The following ANK2 variants were observed in gnomAD, a reference collection of about 807,000 sequenced individuals.
The protein encoded by ANK2 is ankyrin-2.
In ANK2, 83 loss-of-function variants were observed where a neutral mutation model predicts 360.5. The ratio of observed to expected loss-of-function variants is 0.23; its 90% CI spans 0.19 to 0.28. The LOEUF is 0.28. Ranked by LOEUF, ANK2 falls within the 10% of genes least tolerant of loss-of-function variation. The pLI is 1.00. For missense variants in ANK2, 4,201 were observed against 4,795.7 expected (o/e 0.88, Z 3.66); for synonymous variants, 1,740 against 1,759.5 (o/e 0.99, Z 0.28).
At chr4:112,940,059 A>G (rs957841761) in intron 2 of ANK2, among the ~76,000 whole-genome samples, 3 of 152,212 alleles carry the variant, frequency 2.0e-5, no homozygotes, top group African/African-American at 7.2e-5. Flanking sequence ...GTATTTGTAT[A>G]TAAATTATTC....
At chr4:112,825,615 A>G (rs1339272178) in intron 1 of ANK2, among the ~76,000 whole-genome samples, 1 of 152,246 alleles carries the variant, frequency 6.6e-6, no homozygotes, top group Non-Finnish European at 1.5e-5. Context: ...TCCATTGCTA[A>G]GTTCATGGCT....
the ANK2 span, among the ~76,000 whole-genome samples, chr4:112,780,329 C>A: frequency 6.6e-6 from 1 of 152,158 alleles, no homozygotes; most frequent in Non-Finnish European, 1.5e-5. Flanking sequence ...TACAATATTG[C>A]AGTCTAAAGA....
chr4:112,960,488 G>A (rs757673074), intron 2 of ANK2, among the ~76,000 whole-genome samples: 12 of 151,816 alleles, frequency 7.9e-5, no homozygotes, highest in African/African-American at 2.2e-4. Flanking sequence ...AAATGTAATC[G>A]CTGTTTTGTT....
At chr4:113,081,910 A>T (rs1288966800) in intron 1 of ANK2, among the ~76,000 whole-genome samples, 2 of 151,960 alleles carry the variant, frequency 1.3e-5, no homozygotes, top group African/African-American at 2.4e-5. Context: ...CCTGGGTTCA[A>T]GTGATTCTCC....
intron 1 of ANK2, among the ~76,000 whole-genome samples, chr4:113,113,604 G>A (rs949009244): frequency 6.6e-6 from 1 of 152,196 alleles, no homozygotes; most frequent in East Asian, 1.9e-4. Flanking sequence ...CCCATTGATG[G>A]TCATGATGCT....
the ANK2 span, among the ~76,000 whole-genome samples, chr4:112,791,112 G>A: frequency 2.0e-5 from 3 of 152,270 alleles, no homozygotes; most frequent in African/African-American, 7.2e-5. Context: ...TGGATTACTG[G>A]GTGGAGGCAG....
chr4:113,277,741 A>G, intron 15 of ANK2, 96 bp from the exon 16 acceptor site: 1 of 925,546 alleles, frequency 1.1e-6, no homozygotes, highest in South Asian at 1.4e-5. Context: ...CAAATGAAGA[A>G]TCAGTATACT....
At position 113,365,033 on chromosome 4, in the gene ANK2, T is replaced by A. The variant is rs200486509; in HGVS notation, c.10889-6T>A. 1 of 1,613,788 alleles carries A rather than the reference T, an allele frequency of 6.2e-7. No homozygotes were observed. Among genetic ancestry groups the A allele is most frequent in the East Asian group, 2.2e-5 (1 of 44,874 alleles). On this transcript the variant is annotated splice_polypyrimidine_tract_variant and splice_region_variant and intron_variant, in intron 40 of 45. Transcript: ENST00000357077. ...CATAATAAATGCTGTTTCTCTAATG[T>A]GTCAGATACCAACCTCGTTGAATGT...
intron 1 of ANK2, among the ~76,000 whole-genome samples, chr4:113,130,882 C>T (rs1026840449): frequency 1.3e-5 from 2 of 152,078 alleles, no homozygotes; most frequent in Non-Finnish European, 2.9e-5. Flanking sequence ...TAGATTGTAC[C>T]AATGCATAAA....
At chr4:113,109,901 C>G (rs879528164) in intron 1 of ANK2, among the ~76,000 whole-genome samples, 2 of 151,990 alleles carry the variant, frequency 1.3e-5, no homozygotes, top group African/African-American at 2.4e-5. Flanking sequence ...CCATGTCACA[C>G]AAAAAAGCTC....
intron 33 of ANK2, among the ~76,000 whole-genome samples, chr4:113,342,508 C>T (rs1019277748): frequency 2.0e-5 from 3 of 152,056 alleles, no homozygotes; most frequent in Non-Finnish European, 2.9e-5. Context: ...CGAGACCAAC[C>T]TGGCCAACAT....
At chr4:113,270,649 T>A (rs1398380539) in intron 14 of ANK2, among the ~76,000 whole-genome samples, 1 of 152,200 alleles carries the variant, frequency 6.6e-6, no homozygotes, top group Non-Finnish European at 1.5e-5. Context: ...GCATTTTCTA[T>A]TGTGAACAAA....
chr4:112,977,342 A>G (rs2041771138), intron 2 of ANK2, among the ~76,000 whole-genome samples: 1 of 152,102 alleles, frequency 6.6e-6, no homozygotes, highest in African/African-American at 2.4e-5. Context: ...CCAACAGGGT[A>G]CAACTAATTA....
intron 1 of ANK2, among the ~76,000 whole-genome samples, chr4:113,140,380 G>A (rs17676256): frequency 0.18 from 28,034 of 152,130 alleles, 3,695 homozygotes; most frequent in East Asian, 0.56. Flanking sequence ...GACAGTAATC[G>A]AAGCAGATTT....
chr4:113,311,242 T>C lies in ANK2; in HGVS notation c.2549-13T>C, dbSNP rs1301403044. ...CAAGAAATAATCCTGCTTCTTCCTC[T>C]GATTGTTTCAAGGTGATGACACAAT... On this transcript the variant is annotated splice_polypyrimidine_tract_variant and intron_variant, in intron 23 of 45. Coordinates refer to ENST00000357077, the MANE Select transcript of ANK2 (RefSeq NM_001148.6). The C allele has an allele frequency of 1.2e-6, 2 of 1,613,996 alleles. No individual in the cohort carries two copies. Among genetic ancestry groups the C allele is most frequent in the Non-Finnish European group, 1.7e-6 (2 of 1,180,016 alleles).
chr4:112,737,780 G>A, the ANK2 span, among the ~76,000 whole-genome samples: 4 of 152,224 alleles, frequency 2.6e-5, no homozygotes, highest in South Asian at 8.3e-4. Context: ...CGAAGGAGTT[G>A]GACTATGTAT....
chr4:113,201,498 C>CT (rs1454489729), intron 4 of ANK2, among the ~76,000 whole-genome samples: 1 of 152,196 alleles, frequency 6.6e-6, no homozygotes, highest in Non-Finnish European at 1.5e-5. Context: ...GATTCAACTA[C>CT]ATGACTGAAT....
chr4:113,274,440 C>G lies in ANK2; in HGVS notation c.1486-12C>G, dbSNP rs1401257579. ...TGCCCGGCACTAACTTTTTACTTGG[C>G]TTGAGTTGTAGGAGGAACAGACACC... is the stretch of plus-strand genomic sequence containing the variant. On this transcript the variant is annotated splice_polypyrimidine_tract_variant and intron_variant, in intron 14 of 45. Coordinates refer to ENST00000357077, the MANE Select transcript of ANK2 (RefSeq NM_001148.6). 6.2e-7 allele frequency: 1 copy of G among 1,614,050 alleles called. No individual in the cohort carries two copies. Among genetic ancestry groups the G allele is most frequent in the Admixed American group, 1.7e-5 (1 of 60,032 alleles).
intron 2 of ANK2, among the ~76,000 whole-genome samples, chr4:112,957,666 G>A (rs1460276431): frequency 1.3e-5 from 2 of 150,252 alleles, no homozygotes; most frequent in Non-Finnish European, 3.0e-5. Context: ...CCTCCCTCCC[G>A]GACGGGGCGG....
Sources: gnomAD v4.1 joint callset for allele counts (sites outside exome capture counted in the v4.1 genomes callset) on GRCh38, gnomAD v4.1.1 for gene constraint, MANE v1.5 for transcripts, NCBI Gene and HGNC (gene_info 2026-07-23, HGNC 2026-07-21) for gene names.